XKR4: variants seen among roughly 807,000 people sequenced by gnomAD.
XKR4 encodes XK related 4.
In XKR4, 12 loss-of-function variants were observed where a neutral mutation model predicts 53.9. The observed-to-expected ratio is 0.22, with a 90% CI of 0.14 to 0.36. The LOEUF (loss-of-function observed/expected upper bound fraction) is 0.36, where lower values mean the gene tolerates loss of function less well. Ranked by LOEUF, XKR4 falls within the 10% of genes least tolerant of loss-of-function variation. The pLI is 1.00. For missense variants in XKR4, 799 were observed against 859.5 expected (o/e 0.93, Z 0.88); for synonymous variants, 354 against 362.4 (o/e 0.98, Z 0.26).
intron 2 of XKR4, among the ~76,000 whole-genome samples, chr8:55,421,891 T>C (rs1201360647): frequency 3.3e-5 from 5 of 152,140 alleles, no homozygotes; most frequent in Admixed American, 2.6e-4. Context: ...GAACAAAACG[T>C]CCTTGGTTCC....
At chr8:55,508,012 A>G (rs1306094056) in intron 2 of XKR4, among the ~76,000 whole-genome samples, 1 of 152,124 alleles carries the variant, frequency 6.6e-6, no homozygotes, top group Admixed American at 6.5e-5. Context: ...TCCATTTTCA[A>G]AGATTTAGAA....
chr8:55,477,425 C>A (rs565462216), intron 2 of XKR4, among the ~76,000 whole-genome samples: 11 of 151,974 alleles, frequency 7.2e-5, no homozygotes, highest in Non-Finnish European at 5.9e-5. Context: ...TCAACAAAGA[C>A]CAAAAGTAGA....
intron 1 of XKR4, among the ~76,000 whole-genome samples, chr8:55,347,801 C>T (rs976299690): frequency 3.9e-5 from 6 of 152,146 alleles, no homozygotes; most frequent in African/African-American, 1.4e-4. Context: ...CTTTTTTCTG[C>T]CTTTAATGAT....
chr8:55,117,343 G>A (rs1220120353), intron 1 of XKR4, among the ~76,000 whole-genome samples: 1 of 152,140 alleles, frequency 6.6e-6, no homozygotes, highest in Non-Finnish European at 1.5e-5. Flanking sequence ...AATGGATTTT[G>A]CAAATAAGAT....
rs776786078 is a variant in XKR4, at chr8:55,111,672, C to T, written c.806+8378C>T. Among the ~76,000 whole-genome samples, 5 of 152,266 alleles carry T rather than the reference C, an allele frequency of 3.3e-5. No individual in the cohort carries two copies. In the East Asian group the frequency reaches 9.6e-4, roughly 29 times the overall value. ...TCAAAAGTCTTCCGTGTCACTGATT[C>T]TAAGATATATACCATATAGACTGGA... On this transcript the variant is annotated intron_variant, in intron 1 of 2. Transcript: ENST00000327381.
At chr8:55,301,132 C>T (rs1174349128) in intron 1 of XKR4, among the ~76,000 whole-genome samples, 6 of 138,504 alleles carry the variant, frequency 4.3e-5, no homozygotes, top group Admixed American at 1.4e-4. Flanking sequence ...TCTCCTAATG[C>T]TATCCCTCCC....
rs114475560 is a variant in XKR4 at position 55,213,268 on chromosome 8, A to C, written c.806+109974A>C. On this transcript the variant is annotated intron_variant, in intron 1 of 2. Coordinates refer to ENST00000327381, the MANE Select transcript of XKR4 (RefSeq NM_052898.2). ...GTTTTCGAAGCATAATTTGGTGGGT[A>C]GGGGTCAGAGGGTGAGGAGTGTTGA... Among the ~76,000 whole-genome samples the C allele has an allele frequency of 8.2e-3, 1,255 of 152,266 alleles. 22 individuals carry two copies. The highest frequency in any genetic ancestry group is 0.026 in the African/African-American group (1,101 of 41,562).
chr8:55,253,356 T>A (rs1420434006), intron 1 of XKR4, among the ~76,000 whole-genome samples: 1 of 152,248 alleles, frequency 6.6e-6, no homozygotes, highest in Non-Finnish European at 1.5e-5. Flanking sequence ...ATGGATTTAA[T>A]ACCATTTATC....
At chr8:55,348,203 C>T (rs964658288) in intron 1 of XKR4, among the ~76,000 whole-genome samples, 1 of 152,190 alleles carries the variant, frequency 6.6e-6, no homozygotes, top group African/African-American at 2.4e-5. Context: ...TGACAAGGAC[C>T]GAAGACGTTA....
rs1807092898 is a variant in XKR4 at position 55,540,967 on chromosome 8, A to G, written c.*16740A>G. The G allele has an allele frequency of 6.6e-6, 1 of 152,246 alleles. No individual in the cohort carries two copies. The highest frequency in any genetic ancestry group is 2.4e-5 in the African/African-American group (1 of 41,478). 9.4% of individuals were successfully genotyped at this position (152,246 alleles called of 1,614,324 possible). A position where few individuals can be genotyped will look rare whatever the true frequency, so the allele number is the denominator to read the frequency against. On this transcript the variant is annotated 3_prime_UTR_variant, in exon 3 of 3. Transcript: ENST00000327381. ...CACTAATATTCTGATGTAATTAATAACATCTAATAGAAAAATAGAAACATC... is the reference window on the plus strand; with the variant it reads ...CACTAATATTCTGATGTAATTAATAGCATCTAATAGAAAAATAGAAACATC...
At chr8:55,138,787 T>C (rs541130410) in intron 1 of XKR4, among the ~76,000 whole-genome samples, 1 of 152,334 alleles carries the variant, frequency 6.6e-6, no homozygotes, top group South Asian at 2.1e-4. Flanking sequence ...TTCTTTTGCT[T>C]GCTTCATTTT....
intron 2 of XKR4, among the ~76,000 whole-genome samples, chr8:55,510,153 C>T (rs1806605400): frequency 6.6e-6 from 1 of 151,982 alleles, no homozygotes; most frequent in Non-Finnish European, 1.5e-5. Flanking sequence ...GTCAATACTG[C>T]AAGAAGGCCA....
At chr8:55,242,310 G>T (rs1204709496) in intron 1 of XKR4, among the ~76,000 whole-genome samples, 1 of 152,126 alleles carries the variant, frequency 6.6e-6, no homozygotes, top group South Asian at 2.1e-4. Flanking sequence ...GTAATTTAAG[G>T]TTATGAGTAC....
chr8:55,187,305 CAAAAAAAAAAA>C (rs1168014848), intron 1 of XKR4, among the ~76,000 whole-genome samples: 4 of 95,870 alleles, frequency 4.2e-5, no homozygotes, highest in Non-Finnish European at 6.1e-5. Flanking sequence ...TTTCCAGGAC[CAAAAAAAAAAA>C]AAAAAAAAAG....
At chr8:55,186,432 G>T (rs1029945500) in intron 1 of XKR4, among the ~76,000 whole-genome samples, 1 of 152,250 alleles carries the variant, frequency 6.6e-6, no homozygotes, top group East Asian at 1.9e-4. Context: ...AAGGAGGGCG[G>T]ATCACGAGGT....
At chr8:55,507,199 C>A (rs1439126383) in intron 2 of XKR4, among the ~76,000 whole-genome samples, 1 of 152,126 alleles carries the variant, frequency 6.6e-6, no homozygotes, top group South Asian at 2.1e-4. Flanking sequence ...ATTGTACTAA[C>A]CCCAAAAGTC....
At chr8:55,136,386 C>T (rs906429998) in intron 1 of XKR4, among the ~76,000 whole-genome samples, 2 of 152,194 alleles carry the variant, frequency 1.3e-5, no homozygotes, top group African/African-American at 4.8e-5. Flanking sequence ...CAAGTATTTC[C>T]TCAGTTTCAT....
intron 2 of XKR4, among the ~76,000 whole-genome samples, chr8:55,408,790 C>T (rs1211685163): frequency 3.9e-5 from 6 of 151,990 alleles, no homozygotes; most frequent in Non-Finnish European, 5.9e-5. Flanking sequence ...GGGCAGATCA[C>T]GGGGTCAGGA....
chr8:55,141,671 C>CTCTGTCTCTCTCTCTCTCTCTG (rs748708972), intron 1 of XKR4, among the ~76,000 whole-genome samples: 1 of 135,186 alleles, frequency 7.4e-6, no homozygotes, highest in Non-Finnish European at 1.6e-5. Context: ...CTCTCTCTCT[C>CTCTGTCTCTCTCTCTCTCTCTG]TGTGTGTGTG....
Sources: gnomAD v4.1 joint callset for allele counts (sites outside exome capture counted in the v4.1 genomes callset) on GRCh38, gnomAD v4.1.1 for gene constraint, MANE v1.5 for transcripts, NCBI Gene and HGNC (gene_info 2026-07-23, HGNC 2026-07-21) for gene names.